ADAMTS6: variants seen among roughly 807,000 people sequenced by gnomAD.
ADAMTS6 encodes A disintegrin and metalloproteinase with thrombospondin motifs 6.
In ADAMTS6, 23 loss-of-function variants were observed where a neutral mutation model predicts 144.3. The observed-to-expected ratio is 0.16, with a 90% CI of 0.11 to 0.23. ADAMTS6 has a LOEUF of 0.23. Ranked by LOEUF, ADAMTS6 falls within the 10% of genes least tolerant of loss-of-function variation. The pLI, the probability that ADAMTS6 is intolerant of heterozygous loss-of-function variation, is 1.00. For synonymous variants in ADAMTS6, 444 were observed against 457.5 expected, an observed-to-expected ratio of 0.97 and a Z score of 0.38; for missense variants, 999 against 1,379.6, an observed-to-expected ratio of 0.72 and a Z score of 4.37.
chr5:65,333,113 CATA>C (rs1746936094), intron 8 of ADAMTS6, among the ~76,000 whole-genome samples: 1 of 152,072 alleles, frequency 6.6e-6, no homozygotes, highest in Non-Finnish European at 1.5e-5. Flanking sequence ...GAATCAATTT[CATA>C]ACTATTGTTT....
At chr5:65,366,917 G>C (rs1750354867) in intron 7 of ADAMTS6, among the ~76,000 whole-genome samples, 1 of 152,122 alleles carries the variant, frequency 6.6e-6, no homozygotes, top group Admixed American at 6.6e-5. Context: ...GAGGCAAGGA[G>C]GCATGGATAA....
At chr5:65,294,761 C>T (rs1035301640) in intron 10 of ADAMTS6, among the ~76,000 whole-genome samples, 1 of 152,026 alleles carries the variant, frequency 6.6e-6, no homozygotes, top group African/African-American at 2.4e-5. Context: ...ATATTTAACC[C>T]TGGGAGTGCT....
chr5:65,335,503 A>C (rs1747218557), intron 7 of ADAMTS6, among the ~76,000 whole-genome samples: 1 of 152,184 alleles, frequency 6.6e-6, no homozygotes, highest in African/African-American at 2.4e-5. Context: ...GTCTTCAAGA[A>C]AACGTAAAGG....
rs185399358 is a variant in ADAMTS6, at chr5:65,296,922, T to C, written c.1370+3063A>G. Among the ~76,000 whole-genome samples, 16 of 152,316 alleles carry C rather than the reference T, an allele frequency of 1.1e-4. No individual in the cohort carries two copies. In the East Asian group the frequency reaches 2.3e-3, roughly 22 times the overall value. ...TTTTGAAACCTTTATGAAATTATTC[T>C]GTATTATTGCTAAGTGGTGGAAAAT... On this transcript the variant is annotated intron_variant, in intron 10 of 24. Transcript: ENST00000381055.
chr5:65,200,772 A>T (rs1366777810), intron 20 of ADAMTS6, among the ~76,000 whole-genome samples: 1 of 152,188 alleles, frequency 6.6e-6, no homozygotes, highest in Non-Finnish European at 1.5e-5. Context: ...TAATGGCTTC[A>T]TATTACGAAA....
At chr5:65,187,948 A>G in intron 22 of ADAMTS6, 68 bp downstream of exon 22, 1 of 1,517,154 alleles carries the variant, frequency 6.6e-7, no homozygotes, top group Non-Finnish European at 9.1e-7. Flanking sequence ...TGTCCTTAAT[A>G]TTAACTGCTT....
intron 7 of ADAMTS6, among the ~76,000 whole-genome samples, chr5:65,342,149 G>A (rs1369259254): frequency 6.6e-6 from 1 of 152,066 alleles, no homozygotes; most frequent in East Asian, 1.9e-4. Flanking sequence ...ATTGTTTAAT[G>A]ATAAAAACTC....
At chr5:65,292,353 TCC>T (rs1742396055) in intron 10 of ADAMTS6, among the ~76,000 whole-genome samples, 1 of 151,828 alleles carries the variant, frequency 6.6e-6, no homozygotes, top group Non-Finnish European at 1.5e-5. Context: ...AAAAATTTTT[TCC>T]AACATTCCTG....
chr5:65,441,441 ATC>A (rs1333788218), intron 7 of ADAMTS6, among the ~76,000 whole-genome samples: 1 of 152,192 alleles, frequency 6.6e-6, no homozygotes, highest in African/African-American at 2.4e-5. Context: ...AATGGTGAAA[ATC>A]TGATTAAATT....
At chr5:65,330,995 G>C (rs1246572208) in intron 8 of ADAMTS6, among the ~76,000 whole-genome samples, 1 of 151,772 alleles carries the variant, frequency 6.6e-6, no homozygotes, top group African/African-American at 2.4e-5. Flanking sequence ...CTGAGAGAAA[G>C]AGACAGACAC....
Position 65,172,894 on chromosome 5 carries a change from G to C in ADAMTS6, c.3025C>G (p.Arg1009Gly), listed in dbSNP as rs555737820. 3.0e-4 allele frequency: 487 copies of C among 1,614,176 alleles called. No homozygotes were observed. Among genetic ancestry groups the C allele is most frequent in the Non-Finnish European group, 4.0e-4 (477 of 1,180,034 alleles). The change falls in exon 23 of 25, where the codon CGC becomes GGC. Residue 1009 changes from arginine (R) to glycine (G), a missense_variant. This residue lies in a region of ADAMTS6 where 619 missense variants were observed against 837.0 expected (regional missense o/e 0.74). Transcript: ENST00000381055. ...CAGCGGCCCAAACTGCAGCGGATGCGGACAGGAGGTTTGCTTTCCTCTGGA... is the reference window on the plus strand; with the variant it reads ...CAGCGGCCCAAACTGCAGCGGATGCCGACAGGAGGTTTGCTTTCCTCTGGA... ...QCPEESKPPV[R>G]IRCSLGRCPP... is the part of the protein sequence containing the mutation.
At chr5:65,304,621 G>A (rs1019251390) in intron 9 of ADAMTS6, among the ~76,000 whole-genome samples, 5 of 151,988 alleles carry the variant, frequency 3.3e-5, no homozygotes, top group Admixed American at 2.0e-4. Context: ...TCATAAAGAC[G>A]GGATCTCTCT....
At chr5:65,384,763 A>G (rs1004432406) in intron 7 of ADAMTS6, among the ~76,000 whole-genome samples, 1 of 152,200 alleles carries the variant, frequency 6.6e-6, no homozygotes, top group Admixed American at 6.5e-5. Context: ...CCACATTTTT[A>G]GGTATTTGTT....
chr5:65,475,463 G>A (rs1415575043), intron 1 of ADAMTS6, among the ~76,000 whole-genome samples: 3 of 152,164 alleles, frequency 2.0e-5, no homozygotes. Flanking sequence ...CTTGCCCTTG[G>A]AGAGCTCATA....
intron 22 of ADAMTS6, among the ~76,000 whole-genome samples, chr5:65,179,161 A>G (rs1171354659): frequency 6.6e-6 from 1 of 152,234 alleles, no homozygotes; most frequent in African/African-American, 2.4e-5. Flanking sequence ...AAGGACTTCA[A>G]CTGACCTTCC....
intron 12 of ADAMTS6, among the ~76,000 whole-genome samples, chr5:65,267,714 AT>A (rs1364048814): frequency 1.3e-5 from 2 of 152,072 alleles, no homozygotes; most frequent in African/African-American, 2.4e-5. Flanking sequence ...TTTAAAAAAA[AT>A]TTTTTTCTAG....
chr5:65,465,507 C>T (rs62368976), intron 3 of ADAMTS6, among the ~76,000 whole-genome samples: 19,808 of 152,122 alleles, frequency 0.13, 1,330 homozygotes, highest in Middle Eastern at 0.18. Context: ...CTTCTGCCTG[C>T]TACTGAAAAT....
At chr5:65,279,700 A>G (rs1186756889) in intron 11 of ADAMTS6, among the ~76,000 whole-genome samples, 1 of 152,174 alleles carries the variant, frequency 6.6e-6, no homozygotes, top group Non-Finnish European at 1.5e-5. Flanking sequence ...GATTCTAAAA[A>G]ACTATTAGTT....
intron 15 of ADAMTS6, among the ~76,000 whole-genome samples, chr5:65,235,006 T>A (rs1047661241): frequency 1.5e-4 from 23 of 152,308 alleles, no homozygotes; most frequent in African/African-American, 5.3e-4. Context: ...TACTGTATGA[T>A]CTCACTTATA....
Sources: allele counts gnomAD v4.1 joint callset (sites outside exome capture counted in the v4.1 genomes callset), GRCh38; gene constraint gnomAD v4.1.1; regional missense constraint gnomAD v4.1.1; transcripts MANE v1.5; gene names NCBI Gene and HGNC (gene_info 2026-07-23, HGNC 2026-07-21).